The following TCF4 variants were observed in gnomAD, a reference collection of about 807,000 sequenced individuals.
TCF4 encodes transcription factor 4.
Under a neutral mutation model 82.1 loss-of-function variants are expected in TCF4, and 3 were observed. The observed-to-expected ratio is 0.04, with a 90% confidence interval of 0.02 to 0.09. The LOEUF (loss-of-function observed/expected upper bound fraction) is 0.09, where lower values mean the gene tolerates loss of function less well. TCF4 is among the 10% of genes least tolerant of loss of function. The pLI, the probability that TCF4 is intolerant of heterozygous loss-of-function variation, is 1.00. For missense variants in TCF4, 518 were observed against 852.7 expected, an observed-to-expected ratio of 0.61 and a Z score of 4.89; for synonymous variants, 276 against 309.6, an observed-to-expected ratio of 0.89 and a Z score of 1.14.
intron 6 of TCF4, among the ~76,000 whole-genome samples, chr18:55,365,321 T>C (rs1024078249): frequency 6.9e-5 from 10 of 145,386 alleles, no homozygotes; most frequent in African/African-American, 2.3e-4. Context: ...GTGTAGATTC[T>C]CCTATTGCTG....
chr18:55,585,499 TAA>T (rs893703885), intron 2 of TCF4, 147 bp from the exon 3 acceptor site: 5 of 784,812 alleles, frequency 6.4e-6, no homozygotes, highest in African/African-American at 1.8e-5. Context: ...AACTTAAAAC[TAA>T]AAGAGAAACA....
At chr18:55,602,096 A>G (rs897289557) in intron 2 of TCF4, among the ~76,000 whole-genome samples, 1 of 152,248 alleles carries the variant, frequency 6.6e-6, no homozygotes, top group Non-Finnish European at 1.5e-5. Flanking sequence ...TAGAAAATAT[A>G]TAGCACTATC....
intron 3 of TCF4, among the ~76,000 whole-genome samples, chr18:55,518,089 C>T (rs2096900110): frequency 6.6e-6 from 1 of 152,120 alleles, no homozygotes; most frequent in Non-Finnish European, 1.5e-5. Context: ...CTTATTGAAA[C>T]ACCTTGAATG....
At chr18:55,592,880 AC>A (rs757718996), upstream of TCF4, among the ~76,000 whole-genome samples, 4 of 152,172 alleles carry the variant, frequency 2.6e-5, no homozygotes, top group Non-Finnish European at 5.9e-5. Context: ...AGAAAAGCAG[AC>A]AAACAATTAA....
At chr18:55,584,281 TCA>T (rs1279881006) in intron 3 of TCF4, among the ~76,000 whole-genome samples, 1 of 152,110 alleles carries the variant, frequency 6.6e-6, no homozygotes, top group Non-Finnish European at 1.5e-5. Flanking sequence ...CACTGGCATC[TCA>T]CAGTTAAAAG....
At chr18:55,518,659 C>T (rs1259769769) in intron 3 of TCF4, among the ~76,000 whole-genome samples, 1 of 151,946 alleles carries the variant, frequency 6.6e-6, no homozygotes, top group Non-Finnish European at 1.5e-5. Context: ...GGATGAATAA[C>T]CCAGAAATAT....
intron 3 of TCF4, among the ~76,000 whole-genome samples, chr18:55,547,919 C>G (rs1314096031): frequency 6.6e-6 from 1 of 152,200 alleles, no homozygotes; most frequent in Non-Finnish European, 1.5e-5. Context: ...CATCTAATGT[C>G]ATAGCACTCA....
At chr18:55,577,120 A>G (rs1456184823) in intron 3 of TCF4, among the ~76,000 whole-genome samples, 1 of 145,934 alleles carries the variant, frequency 6.9e-6, no homozygotes, top group Non-Finnish European at 1.5e-5. Flanking sequence ...GTATATATAC[A>G]TTTATATATT....
chr18:55,484,066 T>A (rs1568188808), intron 3 of TCF4, among the ~76,000 whole-genome samples: 1 of 152,234 alleles, frequency 6.6e-6, no homozygotes, highest in African/African-American at 2.4e-5. Context: ...GGAGAACCTA[T>A]AATTTCTCCT....
chr18:55,236,805 ATATT>A (rs1599648470), intron 15 of TCF4, among the ~76,000 whole-genome samples: 1 of 152,108 alleles, frequency 6.6e-6, no homozygotes, highest in Non-Finnish European at 1.5e-5. Flanking sequence ...GTGCTGATTC[ATATT>A]TATTTGTATT....
At chr18:55,343,044 T>C (rs2080347125) in intron 8 of TCF4, among the ~76,000 whole-genome samples, 1 of 152,144 alleles carries the variant, frequency 6.6e-6, no homozygotes, top group African/African-American at 2.4e-5. Context: ...CTTTCTCAGA[T>C]GCCATCAAAA....
intron 3 of TCF4, among the ~76,000 whole-genome samples, chr18:55,528,786 T>C (rs2097023193): frequency 6.6e-6 from 1 of 152,222 alleles, no homozygotes; most frequent in Non-Finnish European, 1.5e-5. Flanking sequence ...ATATGGGTTG[T>C]TGTAATTTTC....
chr18:55,631,608 T>C (rs956803595), intron 1 of TCF4, among the ~76,000 whole-genome samples: 12 of 152,162 alleles, frequency 7.9e-5, no homozygotes, highest in African/African-American at 2.7e-4. Flanking sequence ...TTAAAATATA[T>C]AGCTGAGCTG....
At chr18:55,362,249 G>C (rs1327054167) in intron 6 of TCF4, among the ~76,000 whole-genome samples, 1 of 151,668 alleles carries the variant, frequency 6.6e-6, no homozygotes, top group Non-Finnish European at 1.5e-5. Context: ...TCAGGAGTTG[G>C]AGGCTGCGGT....
In TCF4 at chr18:55,544,822, C is replaced by T. The variant is rs552592115; in HGVS notation, c.145+40458G>A. ...CCTACGAGTTAACTCAAAAGACTGG[C>T]GTCATCAAGCAGAAAATGACCAGAT... On this transcript the variant is annotated intron_variant, in intron 3 of 19. Transcript: ENST00000354452. Among the ~76,000 whole-genome samples, 26 of 152,104 alleles carry T rather than the reference C, an allele frequency of 1.7e-4. No individual in the cohort carries two copies. In the South Asian group the frequency reaches 5.4e-3, roughly 32 times the overall value.
At chr18:55,545,710 A>G (rs2097200956) in intron 3 of TCF4, among the ~76,000 whole-genome samples, 1 of 152,134 alleles carries the variant, frequency 6.6e-6, no homozygotes, top group Admixed American at 6.5e-5. Context: ...TCGGCCTCCC[A>G]AAGTGCTGGG....
intron 6 of TCF4, among the ~76,000 whole-genome samples, chr18:55,355,985 G>A (rs1255881133): frequency 1.3e-5 from 2 of 152,140 alleles, no homozygotes; most frequent in Non-Finnish European, 2.9e-5. Context: ...TACAGACAAT[G>A]TATTTGGGGG....
intron 8 of TCF4, among the ~76,000 whole-genome samples, chr18:55,339,583 G>A (rs186392974): frequency 6.6e-6 from 1 of 152,224 alleles, no homozygotes; most frequent in East Asian, 1.9e-4. Flanking sequence ...CTTTTCCCGA[G>A]GAATCTAACT....
At chr18:55,266,193 GA>G (rs2059138948) in intron 11 of TCF4, 1 of 152,150 alleles carries the variant, frequency 6.6e-6, no homozygotes. Flanking sequence ...TTGCAAATAG[GA>G]AGGAAGTATG....
Sources: gnomAD v4.1 joint callset for allele counts (sites outside exome capture counted in the v4.1 genomes callset) on GRCh38, gnomAD v4.1.1 for gene constraint, MANE v1.5 for transcripts, NCBI Gene and HGNC (gene_info 2026-07-23, HGNC 2026-07-21) for gene names.